The following TENM3 variants were observed in gnomAD, a reference collection of about 807,000 sequenced individuals.
TENM3 encodes teneurin-3.
A neutral mutation model predicts 255.1 loss-of-function variants in TENM3; 63 were observed. That is an observed-to-expected ratio of 0.25 (90% CI 0.20 to 0.30). The LOEUF (loss-of-function observed/expected upper bound fraction) is 0.30, where lower values mean the gene tolerates loss of function less well. TENM3 is among the 10% of genes least tolerant of loss of function. The pLI is 1.00. For missense variants in TENM3, 2,929 were observed against 3,461.1 expected (o/e 0.85, Z 3.86); for synonymous variants, 1,306 against 1,322.3 (o/e 0.99, Z 0.27).
At chr4:181,742,439 G>A in the TENM3 span, among the ~76,000 whole-genome samples, 1 of 151,944 alleles carries the variant, frequency 6.6e-6, no homozygotes, top group Non-Finnish European at 1.5e-5. Context: ...GGCTTTTTAT[G>A]TACCAGGAAC....
chr4:181,780,848 A>T, the TENM3 span, among the ~76,000 whole-genome samples: 1 of 152,172 alleles, frequency 6.6e-6, no homozygotes, highest in Non-Finnish European at 1.5e-5. Context: ...ATGGCTAGCC[A>T]GTTTTCCCAG....
the TENM3 span, among the ~76,000 whole-genome samples, chr4:181,901,598 C>G: frequency 1.6e-4 from 24 of 152,138 alleles, 1 homozygote; most frequent in South Asian, 2.1e-3. Context: ...GGCATGTGCT[C>G]TATAATATTT....
chr4:182,356,862 C>G (rs1765581523), intron 3 of TENM3, among the ~76,000 whole-genome samples: 1 of 133,620 alleles, frequency 7.5e-6, no homozygotes, highest in African/African-American at 2.8e-5. Context: ...TGCTCTCCCT[C>G]CTCCCTCCCC....
At chr4:182,366,032 CATT>C (rs774200032) in intron 3 of TENM3, among the ~76,000 whole-genome samples, 20 of 152,230 alleles carry the variant, frequency 1.3e-4, no homozygotes, top group Non-Finnish European at 2.6e-4. Flanking sequence ...TTGATCAAAA[CATT>C]ATTGTGTGGT....
At chr4:182,357,448 T>A (rs1765633884) in intron 3 of TENM3, among the ~76,000 whole-genome samples, 1 of 152,214 alleles carries the variant, frequency 6.6e-6, no homozygotes, top group African/African-American at 2.4e-5. Flanking sequence ...TGGTTTTGAT[T>A]TGCATTTCTC....
intron 3 of TENM3, among the ~76,000 whole-genome samples, chr4:182,356,892 A>C (rs1216582338): frequency 9.7e-6 from 1 of 103,026 alleles, no homozygotes; most frequent in South Asian, 3.5e-4. Flanking sequence ...AACAGTCCCC[A>C]GAGTGTGATG....
At chr4:181,955,036 T>C in the TENM3 span, among the ~76,000 whole-genome samples, 16 of 152,340 alleles carry the variant, frequency 1.1e-4, 1 homozygote, top group South Asian at 2.9e-3. Context: ...ATGGTTCTAT[T>C]TCTTAAATTG....
chr4:182,344,119 T>A (rs1764649389), intron 2 of TENM3, among the ~76,000 whole-genome samples: 1 of 152,078 alleles, frequency 6.6e-6, no homozygotes, highest in Admixed American at 6.6e-5. Context: ...TTTGTGTGAG[T>A]CACATTTACA....
the TENM3 span, among the ~76,000 whole-genome samples, chr4:181,741,168 C>A: frequency 6.6e-6 from 1 of 152,188 alleles, no homozygotes; most frequent in African/African-American, 2.4e-5. Flanking sequence ...AACAAGGCCA[C>A]TGAAATATCA....
intron 1 of TENM3, among the ~76,000 whole-genome samples, chr4:182,279,563 C>A (rs1244580012): frequency 1.3e-5 from 2 of 151,958 alleles, no homozygotes; most frequent in Admixed American, 6.6e-5. Flanking sequence ...GACAGATACT[C>A]GGGTGTACAT....
the TENM3 span, among the ~76,000 whole-genome samples, chr4:181,925,506 T>G: frequency 2.0e-5 from 3 of 152,182 alleles, no homozygotes; most frequent in African/African-American, 7.2e-5. Flanking sequence ...CCCCTAAATA[T>G]TCTTGGTTAT....
At chr4:182,343,763 C>A (rs1764627541) in intron 2 of TENM3, among the ~76,000 whole-genome samples, 1 of 152,056 alleles carries the variant, frequency 6.6e-6, no homozygotes, top group African/African-American at 2.4e-5. Flanking sequence ...CTAAACACTG[C>A]TAGATTGCAA....
At chr4:181,831,175 C>A in the TENM3 span, among the ~76,000 whole-genome samples, 2 of 151,994 alleles carry the variant, frequency 1.3e-5, no homozygotes, top group Non-Finnish European at 2.9e-5. Context: ...ACAGATAATT[C>A]TTTAATTCTT....
At chr4:181,575,405 G>T in the TENM3 span, among the ~76,000 whole-genome samples, 2 of 151,670 alleles carry the variant, frequency 1.3e-5, no homozygotes, top group Non-Finnish European at 2.9e-5. Context: ...GTCATTTTTT[G>T]GGTTCTAAAA....
At chr4:182,210,618 GTTTT>G (rs58035061) in intron 1 of TENM3, among the ~76,000 whole-genome samples, 38 of 132,252 alleles carry the variant, frequency 2.9e-4, no homozygotes, top group East Asian at 8.9e-4. Context: ...CCCCTCTCTA[GTTTT>G]TTTTTTTTTT....
At chr4:182,307,325 G>A (rs947639675) in intron 1 of TENM3, among the ~76,000 whole-genome samples, 1 of 152,172 alleles carries the variant, frequency 6.6e-6, no homozygotes, top group Non-Finnish European at 1.5e-5. Flanking sequence ...ATCGTAATCT[G>A]TGCTAATTGG....
intron 1 of TENM3, among the ~76,000 whole-genome samples, chr4:182,286,238 C>T (rs1760721013): frequency 6.6e-6 from 1 of 152,234 alleles, no homozygotes; most frequent in African/African-American, 2.4e-5. Flanking sequence ...GTCTTTGCCA[C>T]AAGGAACAGT....
At chr4:182,637,680 CTG>C (rs1483770574) in intron 5 of TENM3, among the ~76,000 whole-genome samples, 1 of 152,206 alleles carries the variant, frequency 6.6e-6, no homozygotes, top group Admixed American at 6.5e-5. Flanking sequence ...GGGTCAGACA[CTG>C]TGACAGAGAC....
At chr4:182,102,426 T>C in the TENM3 span, among the ~76,000 whole-genome samples, 2 of 152,190 alleles carry the variant, frequency 1.3e-5, no homozygotes, top group Non-Finnish European at 2.9e-5. Flanking sequence ...AAGTGATCAA[T>C]TACTGGCAAT....
Sources: allele counts gnomAD v4.1 joint callset (sites outside exome capture counted in the v4.1 genomes callset), GRCh38; gene constraint gnomAD v4.1.1; transcripts MANE v1.5; gene names NCBI Gene and HGNC (gene_info 2026-07-23, HGNC 2026-07-21).